THSD4: variants seen among roughly 807,000 people sequenced by gnomAD.
THSD4 encodes thrombospondin type-1 domain-containing protein 4.
THSD4 carries 69 observed loss-of-function variants against 119.0 expected under a neutral mutation model. The ratio of observed to expected loss-of-function variants is 0.58; its 90% confidence interval spans 0.48 to 0.71. THSD4 has a LOEUF of 0.71. Ranked by LOEUF, THSD4 falls within the 30% of genes least tolerant of loss-of-function variation. The pLI, the probability that THSD4 is intolerant of heterozygous loss-of-function variation, is 0.00. For synonymous variants in THSD4, 524 were observed against 540.4 expected (o/e 0.97, Z 0.42); for missense variants, 1,393 against 1,391.1 (o/e 1.00, Z -0.02).
At chr15:71,252,870 AT>A (rs2044275148) in intron 5 of THSD4, among the ~76,000 whole-genome samples, 2 of 151,898 alleles carry the variant, frequency 1.3e-5, no homozygotes, top group South Asian at 4.2e-4. Context: ...GTTAGGTATC[AT>A]CATCATCATC....
chr15:71,604,415 G>T (rs917910334), intron 7 of THSD4, among the ~76,000 whole-genome samples: 4 of 152,100 alleles, frequency 2.6e-5, no homozygotes, highest in African/African-American at 9.7e-5. Flanking sequence ...CTTCCACAAT[G>T]GTTACTTTAC....
chr15:71,670,586 G>T (rs1595848660), intron 8 of THSD4, among the ~76,000 whole-genome samples: 4 of 149,098 alleles, frequency 2.7e-5, no homozygotes, highest in East Asian at 2.1e-4. Context: ...CCATGTTGGT[G>T]TGCTGCACCC....
chr15:71,377,286 G>A (rs2046151507), intron 6 of THSD4, among the ~76,000 whole-genome samples: 1 of 152,154 alleles, frequency 6.6e-6, no homozygotes, highest in Non-Finnish European at 1.5e-5. Flanking sequence ...TGAGGTGAAA[G>A]CAGGGAATCC....
intron 7 of THSD4, among the ~76,000 whole-genome samples, chr15:71,593,399 G>A (rs2049845096): frequency 2.3e-4 from 1 of 4,340 alleles, no homozygotes; most frequent in African/African-American, 3.0e-4. Context: ...ACTCCAGCCT[G>A]GGCGACAGAG....
At chr15:71,773,193 C>G (rs1190306325) in intron 17 of THSD4, among the ~76,000 whole-genome samples, 1 of 91,742 alleles carries the variant, frequency 1.1e-5, no homozygotes, top group African/African-American at 4.8e-5. Flanking sequence ...AGAGTGAGAC[C>G]ATGTCTCAAA....
At chr15:71,404,115 A>G (rs995668488) in intron 6 of THSD4, among the ~76,000 whole-genome samples, 2 of 152,236 alleles carry the variant, frequency 1.3e-5, no homozygotes, top group African/African-American at 4.8e-5. Flanking sequence ...AATAAAATTC[A>G]TATATGATAA....
chr15:71,302,398 TG>T (rs2044962966), intron 6 of THSD4, among the ~76,000 whole-genome samples: 1 of 152,092 alleles, frequency 6.6e-6, no homozygotes, highest in Non-Finnish European at 1.5e-5. Flanking sequence ...CAGCTGGAAA[TG>T]GCTGAATCAG....
At chr15:71,546,561 G>A (rs2048840912) in intron 7 of THSD4, among the ~76,000 whole-genome samples, 3 of 152,162 alleles carry the variant, frequency 2.0e-5, no homozygotes, top group African/African-American at 7.2e-5. Context: ...TGACAGCACT[G>A]TCTGACACTT....
At chr15:71,510,984 C>A (rs1002085924) in intron 7 of THSD4, among the ~76,000 whole-genome samples, 2 of 151,618 alleles carry the variant, frequency 1.3e-5, no homozygotes, top group Non-Finnish European at 2.9e-5. Context: ...GCGGTGTGGT[C>A]GAGTGATGTT....
chr15:71,387,386 A>G (rs566420567), intron 6 of THSD4, among the ~76,000 whole-genome samples: 1 of 152,298 alleles, frequency 6.6e-6, no homozygotes, highest in Admixed American at 6.5e-5. Flanking sequence ...TTCACTGTAG[A>G]CAGACAACGT....
intron 7 of THSD4, among the ~76,000 whole-genome samples, chr15:71,619,974 T>TG (rs2050392343): frequency 6.6e-6 from 1 of 152,248 alleles, no homozygotes; most frequent in East Asian, 1.9e-4. Flanking sequence ...GAGTTACATA[T>TG]AGCTCTTTAG....
At chr15:71,576,553 T>A (rs140034225) in intron 7 of THSD4, among the ~76,000 whole-genome samples, 1 of 152,332 alleles carries the variant, frequency 6.6e-6, no homozygotes, top group Non-Finnish European at 1.5e-5. Flanking sequence ...AATCTACTTC[T>A]GCCTTCATTT....
chr15:71,777,183 G>A, intron 17 of THSD4, 49 bp from the exon 18 acceptor site: 1 of 1,612,936 alleles, frequency 6.2e-7, no homozygotes, highest in Admixed American at 1.7e-5. Context: ...ACTGGTCCAG[G>A]CTGCCTCTTG....
At chr15:71,256,738 C>A in intron 6 of THSD4, 23 bp downstream of exon 6, 1 of 1,593,640 alleles carries the variant, frequency 6.3e-7, no homozygotes, top group Non-Finnish European at 8.6e-7. Flanking sequence ...CCAGCCCTGT[C>A]CATAGAAGTT....
In THSD4 at chr15:71,157,510, T is replaced by C. The variant is rs574209637; in HGVS notation, c.99+2578T>C. On this transcript the variant is annotated intron_variant, in intron 3 of 17. Transcript: ENST00000261862. Reference sequence around the variant, plus strand: ...TATTTTGTCATATATAATACCTTACTGTTAACCATCATCAACCTACTGGGT... The same window carrying C: ...TATTTTGTCATATATAATACCTTACCGTTAACCATCATCAACCTACTGGGT... Among the ~76,000 whole-genome samples the C allele has an allele frequency of 2.6e-5, 4 of 152,168 alleles. No individual in the cohort carries two copies. In the East Asian group the frequency reaches 7.7e-4, roughly 29 times the overall value.
At chr15:71,648,081 G>A (rs1477874967) in intron 7 of THSD4, among the ~76,000 whole-genome samples, 2 of 152,128 alleles carry the variant, frequency 1.3e-5, no homozygotes, top group Non-Finnish European at 2.9e-5. Flanking sequence ...CCTAGACTTC[G>A]GGGCCAGAAG....
At chr15:71,573,214 C>G (rs1025380817) in intron 7 of THSD4, among the ~76,000 whole-genome samples, 1 of 152,144 alleles carries the variant, frequency 6.6e-6, no homozygotes, top group Non-Finnish European at 1.5e-5. Flanking sequence ...CACCCAGGGC[C>G]TTGCACAGTG....
At chr15:71,473,324 C>T (rs940732055) in intron 7 of THSD4, among the ~76,000 whole-genome samples, 19 of 152,176 alleles carry the variant, frequency 1.2e-4, no homozygotes, top group African/African-American at 4.6e-4. Context: ...CTCTAAAGTG[C>T]TGGGATTACA....
intron 7 of THSD4, among the ~76,000 whole-genome samples, chr15:71,592,399 G>A (rs1388008173): frequency 6.6e-6 from 1 of 152,174 alleles, no homozygotes; most frequent in Non-Finnish European, 1.5e-5. Context: ...ACATGGCCCT[G>A]CCGCCCCAGG....
Sources: gnomAD v4.1 joint callset for allele counts (sites outside exome capture counted in the v4.1 genomes callset) on GRCh38, gnomAD v4.1.1 for gene constraint, MANE v1.5 for transcripts, NCBI Gene and HGNC (gene_info 2026-07-23, HGNC 2026-07-21) for gene names.